PALM2AKAP2: variants seen among roughly 807,000 people sequenced by gnomAD.
The protein encoded by PALM2AKAP2 is PALM2 and AKAP2 fusion.
Under a neutral mutation model 71.5 loss-of-function variants are expected in PALM2AKAP2, and 37 were observed. The ratio of observed to expected loss-of-function variants is 0.52; its 90% CI spans 0.40 to 0.68. PALM2AKAP2 has a LOEUF of 0.68. Among genes scored for constraint, PALM2AKAP2 ranks in the 30% least tolerant of loss-of-function variants. The probability of loss-of-function intolerance (pLI) is 0.00; values close to 1 mark genes in which losing one functional copy is unlikely to be tolerated. For synonymous variants in PALM2AKAP2, 468 were observed against 478.8 expected, an observed-to-expected ratio of 0.98 and a Z score of 0.29; for missense variants, 1,224 against 1,191.8, an observed-to-expected ratio of 1.03 and a Z score of -0.40.
chr9:109,767,269 G>A (rs1182080297), intron 1 of PALM2AKAP2, among the ~76,000 whole-genome samples: 2 of 152,126 alleles, frequency 1.3e-5, no homozygotes, highest in Non-Finnish European at 1.5e-5. Context: ...CCAGAGTGAA[G>A]GTCTCCTGGC....
chr9:109,733,884 A>G (rs1828591427), intron 1 of PALM2AKAP2, among the ~76,000 whole-genome samples: 1 of 152,244 alleles, frequency 6.6e-6, no homozygotes, highest in Non-Finnish European at 1.5e-5. Flanking sequence ...CCACTTGGTC[A>G]GAGTTACATT....
At chr9:109,800,785 A>C (rs563867582) in intron 1 of PALM2AKAP2, among the ~76,000 whole-genome samples, 1 of 152,348 alleles carries the variant, frequency 6.6e-6, no homozygotes, top group South Asian at 2.1e-4. Flanking sequence ...TTATTGATTA[A>C]ACAATTGTAA....
chr9:109,643,898 T>A (rs756123142), intron 1 of PALM2AKAP2, among the ~76,000 whole-genome samples: 29 of 152,308 alleles, frequency 1.9e-4, no homozygotes, highest in Non-Finnish European at 2.9e-4. Flanking sequence ...AGGAGTCAGC[T>A]CAGCTTCCGG....
At chr9:110,046,619 C>G (rs1588075774), upstream of PALM2AKAP2, among the ~76,000 whole-genome samples, 1 of 152,174 alleles carries the variant, frequency 6.6e-6, no homozygotes, top group Middle Eastern at 3.4e-3. Flanking sequence ...AAGGCATGCG[C>G]CACCACGCTT....
chr9:110,033,353 C>A (rs903433355), intron 7 of PALM2AKAP2, among the ~76,000 whole-genome samples: 4 of 152,190 alleles, frequency 2.6e-5, no homozygotes, highest in African/African-American at 9.7e-5. Context: ...TTTTACTAAA[C>A]CTTCAATCCT....
intron 1 of PALM2AKAP2, among the ~76,000 whole-genome samples, chr9:110,088,648 T>C (rs1421099988): frequency 6.6e-6 from 1 of 150,598 alleles, no homozygotes; most frequent in Non-Finnish European, 1.5e-5. Context: ...AAGAGCTATA[T>C]AGCTGCACTC....
At chr9:109,951,354 A>G (rs535720988) in intron 6 of PALM2AKAP2, among the ~76,000 whole-genome samples, 3 of 152,222 alleles carry the variant, frequency 2.0e-5, no homozygotes, top group Non-Finnish European at 4.4e-5. Flanking sequence ...TTCAGATGAA[A>G]AACAAAATAA....
chr9:110,025,085 T>C, intron 7 of PALM2AKAP2: 1 of 1,089,264 alleles, frequency 9.2e-7, no homozygotes, highest in Non-Finnish European at 1.4e-6. Context: ...ATGTGCTCAA[T>C]ATGCACATTA....
chr9:110,163,096 CTCTTT>C (rs1477925598), intron 3 of PALM2AKAP2, among the ~76,000 whole-genome samples: 2 of 152,188 alleles, frequency 1.3e-5, no homozygotes, highest in East Asian at 1.9e-4. Context: ...TAATATTTTT[CTCTTT>C]TAATTTTTTT....
intron 1 of PALM2AKAP2, among the ~76,000 whole-genome samples, chr9:109,648,392 T>C (rs1827181643): frequency 6.6e-6 from 1 of 152,184 alleles, no homozygotes; most frequent in Admixed American, 6.5e-5. Context: ...TTGAGTGCCC[T>C]TTTCATCCTA....
chr9:110,084,508 G>A (rs1249974528), intron 1 of PALM2AKAP2, among the ~76,000 whole-genome samples: 8 of 152,070 alleles, frequency 5.3e-5, no homozygotes, highest in Non-Finnish European at 1.2e-4. Context: ...AACTATGGGG[G>A]GGTTGGTTCC....
chr9:109,645,496 A>AT (rs1168181993), intron 1 of PALM2AKAP2, among the ~76,000 whole-genome samples: 3 of 150,774 alleles, frequency 2.0e-5, no homozygotes, highest in Non-Finnish European at 4.4e-5. Flanking sequence ...ATACATAGTC[A>AT]TTTTTTTCAC....
intron 1 of PALM2AKAP2, among the ~76,000 whole-genome samples, chr9:109,767,711 C>G (rs1275064404): frequency 1.3e-5 from 2 of 152,132 alleles, no homozygotes; most frequent in African/African-American, 4.8e-5. Context: ...ACTTCCTCCT[C>G]CCATACCTAA....
In PALM2AKAP2 at chr9:110,104,696, G is replaced by A. The variant is rs12001166; in HGVS notation, c.157-31431G>A. Among the ~76,000 whole-genome samples the A allele has an allele frequency of 7.2e-3, 1,092 of 152,276 alleles. 12 individuals carry two copies. Among genetic ancestry groups the A allele is most frequent in the African/African-American group, 0.025 (1,046 of 41,548 alleles). On this transcript the variant is annotated intron_variant, in intron 1 of 3. Transcript: ENST00000374525. ...AACCAGTTTCAAAACCTGATTCTTC[G>A]CTCAGTTGGAATGTGTTTTAAAACC...
intron 4 of PALM2AKAP2, among the ~76,000 whole-genome samples, chr9:109,924,242 A>G (rs1564213127): frequency 6.6e-6 from 1 of 152,232 alleles, no homozygotes; most frequent in Non-Finnish European, 1.5e-5. Context: ...TTTCATTATA[A>G]AAAGGCCAGA....
chr9:110,111,493 T>C (rs1835251101), intron 1 of PALM2AKAP2, among the ~76,000 whole-genome samples: 1 of 152,196 alleles, frequency 6.6e-6, no homozygotes, highest in Non-Finnish European at 1.5e-5. Flanking sequence ...CATAGTGAAA[T>C]TGAGGGGACT....
chr9:109,979,636 G>C (rs1256305654), intron 6 of PALM2AKAP2, among the ~76,000 whole-genome samples: 1 of 152,142 alleles, frequency 6.6e-6, no homozygotes, highest in East Asian at 1.9e-4. Context: ...CATAGTGCTT[G>C]GAGCACAATA....
intron 1 of PALM2AKAP2, among the ~76,000 whole-genome samples, chr9:110,083,535 G>C (rs1019855490): frequency 1.3e-5 from 2 of 152,078 alleles, no homozygotes; most frequent in Non-Finnish European, 2.9e-5. Flanking sequence ...ATACTGTTTT[G>C]TTTTTGTTTT....
intron 1 of PALM2AKAP2, among the ~76,000 whole-genome samples, chr9:109,726,258 A>C (rs1564126453): frequency 6.6e-6 from 1 of 152,164 alleles, no homozygotes; most frequent in Non-Finnish European, 1.5e-5. Flanking sequence ...GAAGCTAGTG[A>C]CTGAAAGCAG....
Sources: gnomAD v4.1 joint callset for allele counts (sites outside exome capture counted in the v4.1 genomes callset) on GRCh38, gnomAD v4.1.1 for gene constraint, MANE v1.5 for transcripts, NCBI Gene and HGNC (gene_info 2026-07-23, HGNC 2026-07-21) for gene names.